Variants in DRG2 observed in about 807,000 individuals in gnomAD.
The protein encoded by DRG2 is developmentally-regulated GTP-binding protein 2.
In DRG2, 36 loss-of-function variants were observed where a neutral mutation model predicts 53.4. The observed-to-expected ratio is 0.67, with a 90% CI of 0.52 to 0.89. The LOEUF (loss-of-function observed/expected upper bound fraction) is 0.89. Among genes scored for constraint, DRG2 ranks in the 40% least tolerant of loss-of-function variants. The pLI is 0.00. For synonymous variants in DRG2, 167 were observed against 192.1 expected, an observed-to-expected ratio of 0.87 and a Z score of 1.08; for missense variants, 342 against 481.2, an observed-to-expected ratio of 0.71 and a Z score of 2.71.
At chr17:18,102,143 C>A in intron 9 of DRG2, 146 bp downstream of exon 9, 1 of 832,950 alleles carries the variant, frequency 1.2e-6, no homozygotes, top group Non-Finnish European at 1.9e-6. Flanking sequence ...CCCAGGACTT[C>A]CTGCCCAGGG....
At chr17:18,106,314 C>G (rs952597285) in intron 11 of DRG2, 119 bp from the exon 12 acceptor site, 1 of 1,096,002 alleles carries the variant, frequency 9.1e-7, no homozygotes, top group Non-Finnish European at 1.4e-6. Flanking sequence ...ACTGTGTGGG[C>G]ACCTGCCGCG....
chr17:18,098,222 A>G lies in DRG2; in HGVS notation c.226-48A>G. ...CCCCAGCCCCTGGGGCCTCTCCCAG[A>G]AGGCCAGGGACAAGGCTCCTCAGTG... On this transcript the variant is annotated intron_variant, in intron 2 of 12. Transcript: ENST00000225729. This position sits in a 1 kb window ranked among gnomAD's most constrained non-coding sequence, Gnocchi z 4.1. 6.5e-7 allele frequency: 1 copy of G among 1,531,344 alleles called. No individual in the cohort carries two copies. The highest frequency in any genetic ancestry group is 9.0e-7 in the Non-Finnish European group (1 of 1,106,996). 94.9% of individuals were successfully genotyped at this position (1,531,344 alleles called of 1,614,324 possible).
rs199953602 is a variant in DRG2, at chr17:18,100,546, C to T, written c.541-23C>T. ...TGTGACCCCTCGGTCAGCAGTTCTC[C>T]CCATCCCTTTCTCCTCTTTCAGCCC... is the stretch of plus-strand genomic sequence containing the variant. On this transcript the variant is annotated intron_variant, in intron 6 of 12. Transcript: ENST00000225729. This position sits in a 1 kb window ranked among gnomAD's most constrained non-coding sequence, Gnocchi z 4.1. 15 of 1,613,918 alleles carry T rather than the reference C, an allele frequency of 9.3e-6. 1 individual carries two copies. The Admixed American group carries it at 2.0e-4, about 22-fold the overall frequency.
In DRG2 at chr17:18,099,200, G is replaced by A. The variant is rs1470043039; in HGVS notation, c.376+123G>A. On this transcript the variant is annotated intron_variant, in intron 4 of 12. Coordinates refer to ENST00000225729, the MANE Select transcript of DRG2 (RefSeq NM_001388.5). This position sits in a 1 kb window ranked among gnomAD's most constrained non-coding sequence, Gnocchi z 4.4. ...GTCCATTATCCCGCTTTCCAGAAAA[G>A]ACAGGTTCCAGTTCAAATCCTTGGC... is the stretch of plus-strand genomic sequence containing the variant. The A allele has an allele frequency of 6.8e-6, 9 of 1,331,296 alleles. No homozygotes were observed. The South Asian group carries it at 1.2e-4, about 17-fold the overall frequency. The allele number at this position is 1,331,296 out of a possible 1,614,324, so 82.5% of individuals were successfully genotyped here.
At chr17:18,102,639 AAAG>A (rs1401018072) in intron 9 of DRG2, among the ~76,000 whole-genome samples, 1 of 150,892 alleles carries the variant, frequency 6.6e-6, no homozygotes, top group East Asian at 1.9e-4. Context: ...AAAAAAAAAA[AAAG>A]AGGCTTCTTA....
In DRG2 at chr17:18,090,382, A is replaced by ATTTTT. The variant is rs1567597918; in HGVS notation, c.64+2296_64+2297insTTTTT. ...ACCGGGCTAATTTATATATATATATATATATATATATATATATATATATAT... is the reference window on the plus strand; with the variant it reads ...ACCGGGCTAATTTATATATATATATATTTTTTATATATATATATATATATATATAT... On this transcript the variant is annotated intron_variant, in intron 1 of 12. Transcript: ENST00000225729. 2.1e-4 allele frequency among the ~76,000 whole-genome samples: 2 copies of ATTTTT among 9,628 alleles called. 1 individual carries two copies. Among genetic ancestry groups the ATTTTT allele is most frequent in the African/African-American group, 1.2e-3 (2 of 1,650 alleles). The allele number at this position is 9,628 out of a possible 152,430, so 6.3% of individuals were successfully genotyped here.
chr17:18,103,959 T>A lies in DRG2; in HGVS notation c.895+70T>A. 1 of 1,500,526 alleles carries A rather than the reference T, an allele frequency of 6.7e-7. No individual in the cohort carries two copies. Among genetic ancestry groups the A allele is most frequent in the Non-Finnish European group, 9.3e-7 (1 of 1,078,976 alleles). The allele number at this position is 1,500,526 out of a possible 1,614,324, so 93.0% of individuals were successfully genotyped here. A position where few individuals can be genotyped will look rare whatever the true frequency, so the allele number is the denominator to read the frequency against. On this transcript the variant is annotated intron_variant, in intron 10 of 12. Transcript: ENST00000225729. This position sits in a 1 kb window ranked among gnomAD's most constrained non-coding sequence, Gnocchi z 4.4. ...CCTAGAAGGCTGCCAGGCCGGTGTGTGGTGCCCAGAGACCCCAGCACCGGC... is the reference window on the plus strand; with the variant it reads ...CCTAGAAGGCTGCCAGGCCGGTGTGAGGTGCCCAGAGACCCCAGCACCGGC...
Position 18,103,748 on chromosome 17 carries a change from A to G in DRG2, c.807-53A>G, listed in dbSNP as rs987236144. On this transcript the variant is annotated intron_variant, in intron 9 of 12. Coordinates refer to ENST00000225729, the MANE Select transcript of DRG2 (RefSeq NM_001388.5). The surrounding 1 kb of genome is among the most constrained non-coding windows in gnomAD (Gnocchi z 4.4). ...TCCAATAGTGAGAAGTGGAGACCCCAGCCTCTGAATTCACAGGGGCCCCTG... is the reference window on the plus strand; with the variant it reads ...TCCAATAGTGAGAAGTGGAGACCCCGGCCTCTGAATTCACAGGGGCCCCTG... The G allele has an allele frequency of 2.2e-5, 34 of 1,550,086 alleles. No homozygotes were observed. The Admixed American group carries it at 5.3e-4, about 24-fold the overall frequency.
rs2045490110 is a variant in DRG2 at position 18,099,484 on chromosome 17, AC to A, written c.377-148del. 1.3e-6 allele frequency: 1 copy of A among 791,098 alleles called. No individual in the cohort carries two copies. Among genetic ancestry groups the A allele is most frequent in the Non-Finnish European group, 2.1e-6 (1 of 468,056 alleles). 49.0% of individuals were successfully genotyped at this position (791,098 alleles called of 1,614,324 possible). ...TCTGAAATAAGTCTCCGTCAGTAAA[AC>A]ATGTGGATTAAAGAAAAATGCCAAG... is the stretch of plus-strand genomic sequence containing the variant. On this transcript the variant is annotated intron_variant, in intron 4 of 12. Coordinates refer to ENST00000225729, the MANE Select transcript of DRG2 (RefSeq NM_001388.5). The surrounding 1 kb of genome is among the most constrained non-coding windows in gnomAD (Gnocchi z 4.4).
At chr17:18,101,468 G>T (rs1373998443) in intron 7 of DRG2, 25 bp from the exon 8 acceptor site, 2 of 1,611,818 alleles carry the variant, frequency 1.2e-6, no homozygotes, top group Non-Finnish European at 1.7e-6. Context: ...TGGTGCACAG[G>T]TTGCCCTTAA....
intron 9 of DRG2, 126 bp downstream of exon 9, chr17:18,102,123 C>A: frequency 1.0e-6 from 1 of 977,614 alleles, no homozygotes; most frequent in South Asian, 1.5e-5. Context: ...AGCACACAGC[C>A]GTCACGGAGC....
In DRG2 at chr17:18,107,837, G is replaced by C. The variant is rs2045671311; in HGVS notation, c.*597G>C. 6.5e-6 allele frequency: 1 copy of C among 153,766 alleles called. No homozygotes were observed. The highest frequency in any genetic ancestry group is 2.0e-4 in the South Asian group (1 of 4,922). The allele number at this position is 153,766 out of a possible 1,614,324, so 9.5% of individuals were successfully genotyped here. On this transcript the variant is annotated 3_prime_UTR_variant, in exon 13 of 13. Coordinates refer to ENST00000225729, the MANE Select transcript of DRG2 (RefSeq NM_001388.5). ...CCCCTGTATTCCCCCTCCCAGGGCAGCCCCTGCCCAGCACAAAACCCCAGG... is the reference window on the plus strand; with the variant it reads ...CCCCTGTATTCCCCCTCCCAGGGCACCCCCTGCCCAGCACAAAACCCCAGG...
intron 1 of DRG2, among the ~76,000 whole-genome samples, chr17:18,092,593 C>G (rs2975005): frequency 0.82 from 124,327 of 152,080 alleles, 52,088 homozygotes; most frequent in South Asian, 0.94. Flanking sequence ...ATTTACAGTC[C>G]TGAAATGAAA....
At chr17:18,088,308 G>T (rs2045252235) in intron 1 of DRG2, among the ~76,000 whole-genome samples, 1 of 152,256 alleles carries the variant, frequency 6.6e-6, no homozygotes, top group Non-Finnish European at 1.5e-5. Flanking sequence ...GATCTGGTCA[G>T]TCCCAGACCG....
intron 2 of DRG2, chr17:18,096,958 C>T (rs1567601594): frequency 6.6e-6 from 1 of 152,128 alleles, no homozygotes; most frequent in African/African-American, 2.4e-5. Flanking sequence ...TACTGTCTGC[C>T]TATATGATTG....
chr17:18,102,237 C>T (rs2142201617), intron 9 of DRG2, among the ~76,000 whole-genome samples: 1 of 152,350 alleles, frequency 6.6e-6, no homozygotes, highest in South Asian at 2.1e-4. Flanking sequence ...CATTCCAGTT[C>T]TGAATTGCCG....
chr17:18,105,509 G>A (rs2045613481), intron 11 of DRG2: 1 of 152,218 alleles, frequency 6.6e-6, no homozygotes, highest in South Asian at 2.1e-4. Flanking sequence ...AACAAAGGAG[G>A]CCAGGCAAAG....
intron 1 of DRG2, among the ~76,000 whole-genome samples, chr17:18,092,842 C>T (rs1425043621): frequency 6.6e-6 from 1 of 152,164 alleles, no homozygotes; most frequent in Non-Finnish European, 1.5e-5. Flanking sequence ...TTGTATTGGC[C>T]ACTGAGTTAC....
rs1555532983 is a variant in DRG2 at position 18,090,406 on chromosome 17, A to ATAT, written c.64+2320_64+2321insATT. 7.5e-4 allele frequency among the ~76,000 whole-genome samples: 17 copies of ATAT among 22,682 alleles called. 1 individual carries two copies. The highest frequency in any genetic ancestry group is 1.3e-3 in the African/African-American group (6 of 4,474). The allele number at this position is 22,682 out of a possible 152,430, so 14.9% of individuals were successfully genotyped here. A position where few individuals can be genotyped will look rare whatever the true frequency, so the allele number is the denominator to read the frequency against. ...TATATATATATATATATATATATAT[A>ATAT]TTTTTTTTTTTTTTTTTTTTTTTTT... is the stretch of plus-strand genomic sequence containing the variant. On this transcript the variant is annotated intron_variant, in intron 1 of 12. Transcript: ENST00000225729.
Sources: allele counts gnomAD v4.1 joint callset (sites outside exome capture counted in the v4.1 genomes callset), GRCh38; gene constraint gnomAD v4.1.1; non-coding constraint Gnocchi (gnomAD v3.1); transcripts MANE v1.5; gene names NCBI Gene and HGNC (gene_info 2026-07-23, HGNC 2026-07-21).